Variants in TACC2 observed in about 807,000 individuals in gnomAD.
TACC2 encodes transforming acidic coiled-coil containing protein 2.
Under a neutral mutation model 227.3 loss-of-function variants are expected in TACC2, and 137 were observed. The ratio of observed to expected loss-of-function variants is 0.60; its 90% CI spans 0.52 to 0.69. TACC2 has a LOEUF of 0.69. TACC2 is among the 30% of genes least tolerant of loss of function. TACC2 has a pLI of 0.00. For synonymous variants in TACC2, 1,523 were observed against 1,487.5 expected, an observed-to-expected ratio of 1.02 and a Z score of -0.55; for missense variants, 3,470 against 3,694.4, an observed-to-expected ratio of 0.94 and a Z score of 1.57.
At chr10:122,107,670 T>A (rs951259294) in intron 5 of TACC2, among the ~76,000 whole-genome samples, 2 of 146,168 alleles carry the variant, frequency 1.4e-5, no homozygotes, top group East Asian at 4.8e-4. Context: ...ATTTCTTTTT[T>A]AAAACATATA....
Position 122,086,091 on chromosome 10 carries a change from C to G in TACC2, c.3591C>G (p.Ala1197=), listed in dbSNP as rs1265420094. 3.7e-6 allele frequency: 6 copies of G among 1,613,776 alleles called. No individual in the cohort carries two copies. Among genetic ancestry groups the G allele is most frequent in the Non-Finnish European group, 5.1e-6 (6 of 1,180,030 alleles). The change falls in exon 4 of 23, where the codon GCC becomes GCG. Residue 1197 remains alanine (A), a synonymous_variant. Transcript: ENST00000369005. ...GCTGCCAGGATGCCTTGCTGCCAGC[C>G]AGAGAGCTGGGTGGGATTCCCAGGA... ...MASCQDALLP[A]RELGGIPRST... is the part of the protein sequence containing the mutation.
intron 5 of TACC2, among the ~76,000 whole-genome samples, chr10:122,109,095 T>G (rs1442964047): frequency 7.2e-5 from 11 of 152,134 alleles, no homozygotes; most frequent in Admixed American, 7.2e-4. Context: ...TTTTTTCAGT[T>G]GCAAATTGTG....
intron 5 of TACC2, among the ~76,000 whole-genome samples, chr10:122,114,399 GT>G (rs2084257935): frequency 6.6e-6 from 1 of 152,224 alleles, no homozygotes; most frequent in Non-Finnish European, 1.5e-5. Flanking sequence ...CTTAAGCAGT[GT>G]TTTTAGGGTT....
intron 2 of TACC2, among the ~76,000 whole-genome samples, chr10:122,042,100 C>G (rs140301207): frequency 0.01 from 1,527 of 152,232 alleles, 31 homozygotes; most frequent in African/African-American, 0.035. Flanking sequence ...CGCCCGCGAC[C>G]ACGCCCGGCT....
In TACC2 at chr10:122,249,175, G is replaced by A; in HGVS notation, c.8660+19G>A. The A allele has an allele frequency of 6.3e-7, 1 of 1,576,048 alleles. No individual in the cohort carries two copies. The stretch of plus-strand genomic sequence containing the variant: ...TGGACAGGTAACATTTAGCCACTGG[G>A]GGTGGCTCCCAGGGGCCTCCCAGCA... On this transcript the variant is annotated intron_variant, in intron 21 of 22. Coordinates refer to ENST00000369005, the MANE Select transcript of TACC2 (RefSeq NM_206862.4).
intron 1 of TACC2, among the ~76,000 whole-genome samples, chr10:122,013,765 A>G (rs1478880742): frequency 6.6e-6 from 1 of 152,156 alleles, no homozygotes; most frequent in Admixed American, 6.5e-5. Flanking sequence ...TGGAGAAGCA[A>G]TTCAGAGCCT....
At chr10:122,104,334 A>G (rs899271737) in intron 5 of TACC2, among the ~76,000 whole-genome samples, 5 of 151,614 alleles carry the variant, frequency 3.3e-5, no homozygotes, top group Non-Finnish European at 7.4e-5. Context: ...CTTTCTATCT[A>G]CTTACTTATT....
chr10:122,124,554 G>T (rs529176223), intron 5 of TACC2, among the ~76,000 whole-genome samples: 206 of 152,324 alleles, frequency 1.4e-3, no homozygotes, highest in South Asian at 2.7e-3. Context: ...ACTGGCCCCA[G>T]CCCCAAGTGT....
intron 2 of TACC2, among the ~76,000 whole-genome samples, chr10:122,042,683 T>A (rs551293814): frequency 6.6e-6 from 1 of 152,354 alleles, no homozygotes; most frequent in Non-Finnish European, 1.5e-5. Flanking sequence ...GTCCTTTATT[T>A]AACCTTCAGA....
intron 5 of TACC2, among the ~76,000 whole-genome samples, chr10:122,108,330 G>A (rs1180368098): frequency 6.6e-6 from 1 of 151,770 alleles, no homozygotes; most frequent in East Asian, 1.9e-4. Flanking sequence ...TGCTGCAAAT[G>A]CCATTATTTT....
intron 3 of TACC2, chr10:122,051,779 T>A (rs1565164528): frequency 3.2e-5 from 1 of 31,616 alleles, no homozygotes; most frequent in South Asian, 1.8e-3. Context: ...TTTTTTTTTT[T>A]TTTTTTTTTT....
chr10:122,087,949 C>T lies in TACC2; in HGVS notation c.5449C>T (p.His1817Tyr), dbSNP rs1349239193. ...KLQHLAPEELHTDRESPRPGP... is the reference protein window; with the variant it reads ...KLQHLAPEELYTDRESPRPGP... Reference sequence around the variant, plus strand: ...GCAACATTTGGCTCCAGAAGAGCTCCACACTGACAGGTACTTAAATGAAAA... The same window carrying T: ...GCAACATTTGGCTCCAGAAGAGCTCTACACTGACAGGTACTTAAATGAAAA... The change falls in exon 4 of 23, where the codon CAC becomes TAC. Residue 1817 changes from histidine (H) to tyrosine (Y), a missense_variant. Physicochemically the swap from His to Tyr is moderately conservative, Grantham distance 83. Coordinates refer to ENST00000369005, the MANE Select transcript of TACC2 (RefSeq NM_206862.4). 9.3e-6 allele frequency: 14 copies of T among 1,503,016 alleles called. No homozygotes were observed. Among genetic ancestry groups the T allele is most frequent in the Admixed American group, 7.0e-5 (3 of 42,780 alleles). The allele number at this position is 1,503,016 out of a possible 1,614,324, so 93.1% of individuals were successfully genotyped here. A position where few individuals can be genotyped will look rare whatever the true frequency, so the allele number is the denominator to read the frequency against.
intron 15 of TACC2, among the ~76,000 whole-genome samples, 167 bp downstream of exon 15, chr10:122,229,653 C>T (rs867044756): frequency 3.3e-5 from 5 of 152,092 alleles, no homozygotes; most frequent in Admixed American, 6.5e-5. Context: ...TCTTTCCCCA[C>T]GATACCAAAG....
intron 16 of TACC2, among the ~76,000 whole-genome samples, chr10:122,234,771 G>A (rs116236196): frequency 0.015 from 2,217 of 152,148 alleles, 52 homozygotes; most frequent in African/African-American, 0.047. Flanking sequence ...ATTTTAGGCA[G>A]CATAAAGATA....
intron 7 of TACC2, among the ~76,000 whole-genome samples, chr10:122,160,908 C>G (rs1201507380): frequency 1.3e-5 from 2 of 152,124 alleles, no homozygotes; most frequent in Admixed American, 1.3e-4. Context: ...TTAGTTGTAT[C>G]GACTGTAATG....
chr10:121,994,383 G>T (rs187730036), intron 1 of TACC2, among the ~76,000 whole-genome samples: 228 of 152,302 alleles, frequency 1.5e-3, no homozygotes, highest in African/African-American at 5.2e-3. Context: ...GTTGACACTG[G>T]CTTCGGATCC....
intron 5 of TACC2, among the ~76,000 whole-genome samples, chr10:122,130,018 T>C (rs2087734051): frequency 6.6e-6 from 1 of 152,120 alleles, no homozygotes; most frequent in Non-Finnish European, 1.5e-5. Flanking sequence ...CTAGGATCAA[T>C]ACGGAGTCTC....
chr10:122,224,853 G>A (rs931641901), intron 12 of TACC2, 66 bp downstream of exon 12: 1 of 1,328,460 alleles, frequency 7.5e-7, no homozygotes, highest in Non-Finnish European at 1.1e-6. Context: ...CTCCTCCCCT[G>A]TGCAGAGTGT....
At chr10:122,132,042 AAG>A (rs1491493463) in intron 5 of TACC2, among the ~76,000 whole-genome samples, 2 of 1,146 alleles carry the variant, frequency 1.7e-3, no homozygotes, top group Non-Finnish European at 0.02. Context: ...AAAAGAAAGA[AAG>A]AAAGAAAGAA....
Sources: gnomAD v4.1 joint callset for allele counts (sites outside exome capture counted in the v4.1 genomes callset) on GRCh38, gnomAD v4.1.1 for gene constraint, MANE v1.5 for transcripts, NCBI Gene and HGNC (gene_info 2026-07-23, HGNC 2026-07-21) for gene names.